Variants in RNF152 observed in about 807,000 individuals in gnomAD.
RNF152 encodes ring finger protein 152, also known as E3 ubiquitin-protein ligase RNF152.
RNF152 carries 11 observed loss-of-function variants against 12.7 expected under a neutral mutation model. That is an observed-to-expected ratio of 0.86 (90% CI 0.54 to 1.43). RNF152 has a LOEUF of 1.43. Ranked by LOEUF, RNF152 falls within the 40% of genes most tolerant of loss-of-function variation. RNF152 has a pLI of 0.00. For synonymous variants in RNF152, 113 were observed against 120.3 expected (o/e 0.94, Z 0.40); for missense variants, 255 against 274.8 (o/e 0.93, Z 0.51).
At chr18:61,845,541 C>T (rs1304437137) in intron 1 of RNF152, among the ~76,000 whole-genome samples, 4 of 152,198 alleles carry the variant, frequency 2.6e-5, no homozygotes, top group Admixed American at 2.6e-4. Flanking sequence ...AAAACAGTTG[C>T]TTCCCTTAAA....
At chr18:61,822,194 GAGA>G in intron 1 of RNF152, among the ~76,000 whole-genome samples, 1 of 152,238 alleles carries the variant, frequency 6.6e-6, no homozygotes, top group Non-Finnish European at 1.5e-5. Flanking sequence ...AGACCACAAA[GAGA>G]AGAACAGTGG....
Position 61,816,201 on chromosome 18 carries a change from G to T in RNF152, c.263C>A (p.Thr88Asn). The change falls in exon 2 of 2, where the codon ACC becomes AAC. Residue 88 changes from threonine to asparagine, a missense_variant. Coordinates refer to ENST00000312828, the MANE Select transcript of RNF152 (RefSeq NM_173557.3). ...GCTGGGAAGTTTGATGAAGACCGGG[G>T]TGTGTTCGGAAGTGTGTGGAATGGC... ...VIAIPHTSEH[T>N]PVFIKLPSNG... is the part of the protein sequence containing the mutation. The T allele has an allele frequency of 6.2e-7, 1 of 1,614,254 alleles. No homozygotes were observed. Among genetic ancestry groups the T allele is most frequent in the Non-Finnish European group, 8.5e-7 (1 of 1,180,042 alleles).
intron 1 of RNF152, among the ~76,000 whole-genome samples, chr18:61,818,721 G>A (rs1041012560): frequency 5.9e-5 from 9 of 152,156 alleles, no homozygotes; most frequent in African/African-American, 2.2e-4. Context: ...GATTCTACCC[G>A]AAAACAACTT....
intron 1 of RNF152, among the ~76,000 whole-genome samples, chr18:61,879,962 T>A (rs1253796093): frequency 8.4e-6 from 1 of 119,424 alleles, no homozygotes; most frequent in Non-Finnish European, 1.8e-5. Flanking sequence ...CGAAACTCCA[T>A]CTCAAAAAAA....
At chr18:61,861,127 G>A (rs1439074502) in intron 1 of RNF152, among the ~76,000 whole-genome samples, 2 of 152,184 alleles carry the variant, frequency 1.3e-5, no homozygotes, top group African/African-American at 4.8e-5. Context: ...TATAAATTGA[G>A]TGTAGTCTAA....
At chr18:61,833,685 C>A (rs1355726086) in intron 1 of RNF152, among the ~76,000 whole-genome samples, 1 of 152,112 alleles carries the variant, frequency 6.6e-6, no homozygotes, top group African/African-American at 2.4e-5. Context: ...CTCTCAGGGC[C>A]AAAGGGACTA....
chr18:61,812,764 T>C lies in RNF152; in HGVS notation c.*3088A>G, dbSNP rs1463049693. Reference sequence around the variant, plus strand: ...AAATTCAAACCACATGGTTTGATAGTTGTCTTTCAACATCTATACTCATCC... The same window carrying C: ...AAATTCAAACCACATGGTTTGATAGCTGTCTTTCAACATCTATACTCATCC... On this transcript the variant is annotated 3_prime_UTR_variant, in exon 2 of 2. Transcript: ENST00000312828. The C allele has an allele frequency of 1.3e-5, 2 of 152,226 alleles. No homozygotes were observed. Among genetic ancestry groups the C allele is most frequent in the South Asian group, 2.1e-4 (1 of 4,834 alleles). 9.4% of individuals were successfully genotyped at this position (152,226 alleles called of 1,614,324 possible).
intron 1 of RNF152, among the ~76,000 whole-genome samples, chr18:61,871,355 T>C (rs994196280): frequency 2.6e-5 from 4 of 152,140 alleles, no homozygotes; most frequent in Admixed American, 6.5e-5. Context: ...GTAACACATA[T>C]ACAATACTTA....
At chr18:61,867,006 C>A (rs1911762455) in intron 1 of RNF152, among the ~76,000 whole-genome samples, 3 of 152,198 alleles carry the variant, frequency 2.0e-5, no homozygotes, top group Admixed American at 2.0e-4. Context: ...AAACACTGCA[C>A]ATCAGGAATT....
chr18:61,861,852 C>T (rs1486848645), intron 1 of RNF152, among the ~76,000 whole-genome samples: 1 of 152,174 alleles, frequency 6.6e-6, no homozygotes, highest in African/African-American at 2.4e-5. Flanking sequence ...CACTCACCAA[C>T]CCACAGAACA....
intron 1 of RNF152, among the ~76,000 whole-genome samples, chr18:61,864,838 G>A (rs1911657420): frequency 6.6e-6 from 1 of 152,176 alleles, no homozygotes; most frequent in South Asian, 2.1e-4. Flanking sequence ...GGCTAACATG[G>A]TGAAACCCCG....
At chr18:61,828,292 G>T (rs1039180927) in intron 1 of RNF152, among the ~76,000 whole-genome samples, 1 of 152,092 alleles carries the variant, frequency 6.6e-6, no homozygotes, top group Non-Finnish European at 1.5e-5. Context: ...GCCCAAGCTA[G>T]TATGGTGACT....
At chr18:61,845,920 T>TG (rs139879390) in intron 1 of RNF152, among the ~76,000 whole-genome samples, 11,270 of 149,182 alleles carry the variant, frequency 0.076, 434 homozygotes, top group Non-Finnish European at 0.1. Flanking sequence ...GGGCTTTGTG[T>TG]GGGGGGGCGT....
intron 1 of RNF152, among the ~76,000 whole-genome samples, chr18:61,835,343 G>A (rs1432463286): frequency 6.6e-6 from 1 of 152,316 alleles, no homozygotes; most frequent in Non-Finnish European, 1.5e-5. Flanking sequence ...GAATGAGAAA[G>A]AAGTTTATGA....
In RNF152 at chr18:61,815,866, T is replaced by A; in HGVS notation, c.598A>T (p.Ile200Leu). The A allele has an allele frequency of 6.2e-7, 1 of 1,614,000 alleles. No homozygotes were observed. The highest frequency in any genetic ancestry group is 8.5e-7 in the Non-Finnish European group (1 of 1,179,914). The stretch of plus-strand genomic sequence containing the variant: ...TGCAGCCCTCTTCAGCCACAGGATA[T>A]CACAGTGAAGCGCTTAGAAATGCAA... Reference protein sequence around the residue: ...MSCISKRFTVISCG With the variant: ...MSCISKRFTVLSCG The change falls in exon 2 of 2, where the codon ATA becomes TTA. Residue 200 changes from isoleucine (I) to leucine (L), a missense_variant. By Grantham distance (5) the Ile-to-Leu change is conservative. Transcript: ENST00000312828.
At chr18:61,817,130 C>A (rs1451923881) in intron 1 of RNF152, among the ~76,000 whole-genome samples, 1 of 152,146 alleles carries the variant, frequency 6.6e-6, no homozygotes, top group Non-Finnish European at 1.5e-5. Flanking sequence ...TAGGATTGTT[C>A]CTCTTCACAG....
At chr18:61,881,580 A>G (rs532231883) in intron 1 of RNF152, among the ~76,000 whole-genome samples, 3 of 152,240 alleles carry the variant, frequency 2.0e-5, no homozygotes, top group East Asian at 1.9e-4. Flanking sequence ...AGTCAAAGAC[A>G]TGAAATCAAA....
chr18:61,866,127 T>C (rs1390312463), intron 1 of RNF152, among the ~76,000 whole-genome samples: 1 of 152,106 alleles, frequency 6.6e-6, no homozygotes, highest in Non-Finnish European at 1.5e-5. Context: ...GAGGGCTGAG[T>C]GGCACAGGGC....
chr18:61,872,269 G>T (rs781162468), intron 1 of RNF152, among the ~76,000 whole-genome samples: 1 of 152,084 alleles, frequency 6.6e-6, no homozygotes, highest in Non-Finnish European at 1.5e-5. Flanking sequence ...CTTTCACCAG[G>T]CCCCACCTCC....
Sources: gnomAD v4.1 joint callset for allele counts (sites outside exome capture counted in the v4.1 genomes callset) on GRCh38, gnomAD v4.1.1 for gene constraint, MANE v1.5 for transcripts, NCBI Gene and HGNC (gene_info 2026-07-23, HGNC 2026-07-21) for gene names.